The following TNFAIP8 variants were observed in gnomAD, a reference collection of about 807,000 sequenced individuals.
TNFAIP8 encodes TNF alpha induced protein 8.
In TNFAIP8, 7 loss-of-function variants were observed where a neutral mutation model predicts 13.3. The ratio of observed to expected loss-of-function variants is 0.52; its 90% confidence interval spans 0.30 to 0.99. The LOEUF (loss-of-function observed/expected upper bound fraction) is 0.99. Among genes scored for constraint, TNFAIP8 ranks in the 50% least tolerant of loss-of-function variants. The pLI is 0.07. For synonymous variants in TNFAIP8, 94 were observed against 87.6 expected (o/e 1.07, Z -0.41); for missense variants, 258 against 236.9 (o/e 1.09, Z -0.58).
At chr5:119,331,107 G>A (rs1299149383) in intron 1 of TNFAIP8, among the ~76,000 whole-genome samples, 1 of 152,164 alleles carries the variant, frequency 6.6e-6, no homozygotes, top group Admixed American at 6.5e-5. Context: ...TTGAAGCATG[G>A]GTGATGCATC....
intron 1 of TNFAIP8, among the ~76,000 whole-genome samples, chr5:119,281,087 G>C (rs529806083): frequency 1.3e-5 from 2 of 152,102 alleles, no homozygotes; most frequent in South Asian, 4.2e-4. Flanking sequence ...CCTGCTCTTT[G>C]ATTTGTTAAG....
chr5:119,355,902 C>T (rs1447354476), upstream of TNFAIP8: 34 of 1,284,436 alleles, frequency 2.6e-5, no homozygotes, highest in Non-Finnish European at 3.3e-5. Context: ...CGATTCGTCA[C>T]TCTTGCAGAA....
At chr5:119,302,198 T>C (rs957096668) in intron 1 of TNFAIP8, among the ~76,000 whole-genome samples, 2 of 152,214 alleles carry the variant, frequency 1.3e-5, no homozygotes, top group African/African-American at 2.4e-5. Flanking sequence ...AAACCACCTG[T>C]TGAATTTGGT....
chr5:119,298,236 G>C (rs1469777440), intron 1 of TNFAIP8, among the ~76,000 whole-genome samples: 1 of 151,784 alleles, frequency 6.6e-6, no homozygotes, highest in South Asian at 2.1e-4. Context: ...ATTTTGCAGT[G>C]GCTGGTACCG....
chr5:119,321,520 T>C (rs73235259), intron 1 of TNFAIP8, among the ~76,000 whole-genome samples: 12,766 of 152,182 alleles, frequency 0.084, 1,529 homozygotes, highest in African/African-American at 0.27. Context: ...TTGCATGCCC[T>C]TTACCCCACA....
Position 119,393,487 on chromosome 5 carries a change from A to G in TNFAIP8, c.*106A>G. 9.0e-7 allele frequency: 1 copy of G among 1,106,396 alleles called. No individual in the cohort carries two copies. The highest frequency in any genetic ancestry group is 1.3e-6 in the Non-Finnish European group (1 of 780,562). 68.5% of individuals were successfully genotyped at this position (1,106,396 alleles called of 1,614,324 possible). On this transcript the variant is annotated 3_prime_UTR_variant, in exon 2 of 2. Coordinates refer to ENST00000504771, the MANE Select transcript of TNFAIP8 (RefSeq NM_014350.4). The stretch of plus-strand genomic sequence containing the variant: ...TTTCTAAAGATTACACATATTTCAG[A>G]AAGACTTTACCCAATTCAGTTGTCA...
upstream of TNFAIP8, chr5:119,355,133 A>G (rs1751334872): frequency 3.4e-6 from 2 of 584,050 alleles, no homozygotes; most frequent in South Asian, 1.9e-5. Flanking sequence ...ACCCGGGGGC[A>G]GAATTGAGAT....
intron 1 of TNFAIP8, chr5:119,333,698 C>A: frequency 7.9e-7 from 1 of 1,258,862 alleles, no homozygotes; most frequent in South Asian, 1.3e-5. Context: ...GTAAAATGTT[C>A]AGATGACTAA....
At chr5:119,297,844 C>T (rs1749226941) in intron 1 of TNFAIP8, among the ~76,000 whole-genome samples, 1 of 152,124 alleles carries the variant, frequency 6.6e-6, no homozygotes, top group South Asian at 2.1e-4. Context: ...TGAATTGATC[C>T]CTTTACCATT....
intron 1 of TNFAIP8, among the ~76,000 whole-genome samples, chr5:119,364,652 C>T (rs1406130493): frequency 6.6e-6 from 1 of 151,478 alleles, no homozygotes; most frequent in African/African-American, 2.4e-5. Context: ...CCAGTTATCA[C>T]TCTTATCATT....
Position 119,399,325 on chromosome 5 carries a change from C to T in TNFAIP8, c.*5944C>T, listed in dbSNP as rs1753143713. ...GCTTCTGCCTGCCAGGGAGCTCGCT[C>T]ATGTTGTCTCTGAAATTTGCATAAG... On this transcript the variant is annotated 3_prime_UTR_variant, in exon 2 of 2. Transcript: ENST00000504771. The T allele has an allele frequency of 6.6e-6, 1 of 152,162 alleles. No individual in the cohort carries two copies. 9.4% of individuals were successfully genotyped at this position (152,162 alleles called of 1,614,324 possible).
intron 1 of TNFAIP8, among the ~76,000 whole-genome samples, chr5:119,370,463 A>G (rs967669051): frequency 6.6e-6 from 1 of 152,264 alleles, no homozygotes; most frequent in African/African-American, 2.4e-5. Flanking sequence ...AATAGACTTT[A>G]TCAGACTTTG....
chr5:119,325,270 G>A (rs986920211), intron 1 of TNFAIP8, among the ~76,000 whole-genome samples: 3 of 152,058 alleles, frequency 2.0e-5, no homozygotes, highest in Admixed American at 2.0e-4. Flanking sequence ...GTGGTTCAAA[G>A]GGCCTGTGGA....
At chr5:119,341,033 G>T (rs939907304) in intron 1 of TNFAIP8, among the ~76,000 whole-genome samples, 62 of 151,648 alleles carry the variant, frequency 4.1e-4, no homozygotes, top group Non-Finnish European at 7.4e-5. Context: ...TTTCAAAGCC[G>T]TAGACACCTT....
At chr5:119,268,906 G>A (rs1243196733) in exon 1 of TNFAIP8, 2 of 700,782 alleles carry the variant, frequency 2.9e-6, no homozygotes, top group Non-Finnish European at 5.2e-6. Context: ...CCACTCCTCC[G>A]AGTAAGTGGC....
At chr5:119,359,787 G>A (rs1350180914) in intron 1 of TNFAIP8, among the ~76,000 whole-genome samples, 1 of 152,230 alleles carries the variant, frequency 6.6e-6, no homozygotes. Context: ...GAGAAAAGGA[G>A]GTTAAAGCAG....
chr5:119,269,572 C>G (rs972733156), intron 1 of TNFAIP8, among the ~76,000 whole-genome samples: 10 of 152,182 alleles, frequency 6.6e-5, no homozygotes, highest in African/African-American at 2.4e-4. Flanking sequence ...CGTTCAAGAC[C>G]AGGCTGACCC....
chr5:119,386,828 T>C (rs1322430824), intron 1 of TNFAIP8, among the ~76,000 whole-genome samples: 1 of 152,216 alleles, frequency 6.6e-6, no homozygotes, highest in Non-Finnish European at 1.5e-5. Flanking sequence ...AATTTTGGGA[T>C]TAAGGTGCCT....
At chr5:119,362,620 AC>A (rs545757509) in intron 1 of TNFAIP8, among the ~76,000 whole-genome samples, 2 of 151,360 alleles carry the variant, frequency 1.3e-5, no homozygotes, top group Admixed American at 1.3e-4. Flanking sequence ...ACAAAGTGAG[AC>A]CCCCCATCTC....
Sources: allele counts gnomAD v4.1 joint callset (sites outside exome capture counted in the v4.1 genomes callset), GRCh38; gene constraint gnomAD v4.1.1; transcripts MANE v1.5; gene names NCBI Gene and HGNC (gene_info 2026-07-23, HGNC 2026-07-21).